The following MINAR2 variants were observed in gnomAD, a reference collection of about 807,000 sequenced individuals.
MINAR2 encodes the protein major intrinsically disordered NOTCH2-binding receptor 1-like.
MINAR2 carries 21 observed loss-of-function variants against 16.1 expected under a neutral mutation model. The observed-to-expected ratio is 1.31, with a 90% CI of 0.93 to 1.88. MINAR2 has a LOEUF of 1.88. Among genes scored for constraint, MINAR2 ranks in the 40% most tolerant of loss-of-function variants. The pLI is 0.00. For synonymous variants in MINAR2, 86 were observed against 83.0 expected, an observed-to-expected ratio of 1.04 and a Z score of -0.20; for missense variants, 259 against 229.8, an observed-to-expected ratio of 1.13 and a Z score of -0.82.
chr5:129,761,612 T>C (rs1166936884), intron 2 of MINAR2, among the ~76,000 whole-genome samples: 4 of 152,168 alleles, frequency 2.6e-5, no homozygotes, highest in Non-Finnish European at 4.4e-5. Context: ...ACATAACAGA[T>C]GCTCTCCACA....
In MINAR2 at chr5:129,765,126, ACC is replaced by A. The variant is rs35674869; in HGVS notation, c.*70_*71del. On this transcript the variant is annotated 3_prime_UTR_variant, in exon 3 of 3. Coordinates refer to ENST00000564719, the MANE Select transcript of MINAR2 (RefSeq NM_001257308.2). ...AAAATTTTTCTGATAAACATTTGAA[ACC>A]CCCCCCACCAAAATAACAAAAAAAC... 1.6e-5 allele frequency: 14 copies of A among 856,238 alleles called. No homozygotes were observed. The highest frequency in any genetic ancestry group is 3.2e-5 in the East Asian group (1 of 30,816). 53.0% of individuals were successfully genotyped at this position (856,238 alleles called of 1,614,324 possible). A position where few individuals can be genotyped will look rare whatever the true frequency, so the allele number is the denominator to read the frequency against.
chr5:129,760,429 A>G lies in MINAR2; in HGVS notation c.217A>G (p.Ser73Gly). ...ACGAATTAGGGGATCCAGTGCAGAC[A>G]GCCTTGTCACTGCTGATAGCCCCCC... is the stretch of plus-strand genomic sequence containing the variant. ...AQRIRGSSAD[S>G]LVTADSPPPS... The change falls in exon 2 of 3, where the codon AGC (serine) becomes GGC (glycine). Residue 73 changes from serine to glycine, a missense_variant. Physicochemically the swap from Ser to Gly is moderately conservative, Grantham distance 56. Coordinates refer to ENST00000564719, the MANE Select transcript of MINAR2 (RefSeq NM_001257308.2). The G allele has an allele frequency of 1.3e-6, 2 of 1,535,814 alleles. No homozygotes were observed. The highest frequency in any genetic ancestry group is 1.7e-6 in the Non-Finnish European group (2 of 1,146,580).
chr5:129,760,668 A>G, intron 2 of MINAR2, 63 bp downstream of exon 2: 1 of 1,265,990 alleles, frequency 7.9e-7, no homozygotes, highest in Non-Finnish European at 1.1e-6. Context: ...TAATCCTAAA[A>G]GAAAGCAATA....
chr5:129,759,273 G>C (rs1283088507), intron 1 of MINAR2, among the ~76,000 whole-genome samples: 1 of 151,954 alleles, frequency 6.6e-6, no homozygotes, highest in African/African-American at 2.4e-5. Context: ...AAAAATATCT[G>C]TGAATTAAGG....
chr5:129,757,278 A>T (rs1581291132), intron 1 of MINAR2, among the ~76,000 whole-genome samples: 1 of 151,914 alleles, frequency 6.6e-6, no homozygotes, highest in East Asian at 1.9e-4. Flanking sequence ...TCAGAAACAG[A>T]CTGGGAAAGG....
intron 2 of MINAR2, among the ~76,000 whole-genome samples, chr5:129,763,896 C>T (rs1040698437): frequency 2.0e-5 from 3 of 152,142 alleles, no homozygotes; most frequent in Admixed American, 6.5e-5. Context: ...AGCTTTAAGT[C>T]TCCTGAGACT....
chr5:129,759,316 T>G (rs9327539), intron 1 of MINAR2, among the ~76,000 whole-genome samples: 27,151 of 151,994 alleles, frequency 0.18, 2,655 homozygotes, highest in East Asian at 0.3. Flanking sequence ...GATTAAAGAT[T>G]ATCTAAAATT....
chr5:129,764,458 A>G (rs1758181601), intron 2 of MINAR2, among the ~76,000 whole-genome samples: 1 of 152,188 alleles, frequency 6.6e-6, no homozygotes, highest in Non-Finnish European at 1.5e-5. Flanking sequence ...TCAAACCTCA[A>G]AGGTTCATCT....
At chr5:129,752,595 A>G (rs1301118960) in intron 1 of MINAR2, among the ~76,000 whole-genome samples, 1 of 152,138 alleles carries the variant, frequency 6.6e-6, no homozygotes, top group Non-Finnish European at 1.5e-5. Context: ...AAGGGGAGGG[A>G]TAGCATTAGG....
intron 2 of MINAR2, among the ~76,000 whole-genome samples, chr5:129,762,065 C>T (rs752100926): frequency 2.0e-5 from 3 of 151,888 alleles, no homozygotes; most frequent in Non-Finnish European, 4.4e-5. Context: ...CTAATGCATG[C>T]GGGACTTAAA....
rs1463659566 is a variant in MINAR2 at position 129,766,723 on chromosome 5, A to AG, written c.*1661dup. 3 of 151,842 alleles carry AG rather than the reference A, an allele frequency of 2.0e-5. No individual in the cohort carries two copies. Among genetic ancestry groups the AG allele is most frequent in the African/African-American group, 7.3e-5 (3 of 41,316 alleles). 9.4% of individuals were successfully genotyped at this position (151,842 alleles called of 1,614,324 possible). ...TTACTGGACAATAAAGTTGTTGTGT[A>AG]GAAAAAAAACGGCGTTAGTCATATT... On this transcript the variant is annotated 3_prime_UTR_variant, in exon 3 of 3. Transcript: ENST00000564719.
chr5:129,754,309 A>G (rs1166663036), intron 1 of MINAR2, among the ~76,000 whole-genome samples: 2 of 152,194 alleles, frequency 1.3e-5, no homozygotes, highest in Non-Finnish European at 2.9e-5. Context: ...AGAATGACAC[A>G]ATCAAATATG....
chr5:129,756,957 A>ACAC (rs1554113674), intron 1 of MINAR2, among the ~76,000 whole-genome samples: 10 of 132,662 alleles, frequency 7.5e-5, no homozygotes, highest in South Asian at 4.7e-4. Flanking sequence ...AAAAAAAAAA[A>ACAC]ACACACACAC....
Position 129,748,176 on chromosome 5 carries a change from T to C in MINAR2, c.-15T>C, listed in dbSNP as rs1335620290. ...CTTTGCCTGTCTTTGTTTTCCACTG[T>C]AGGTGAAGGGAGACATGGATCTCTC... On this transcript the variant is annotated 5_prime_UTR_variant, in exon 1 of 3. An upstream open reading frame in the 5' UTR loses its in-frame stop. Coordinates refer to ENST00000564719, the MANE Select transcript of MINAR2 (RefSeq NM_001257308.2). 7 of 1,534,012 alleles carry C rather than the reference T, an allele frequency of 4.6e-6. No homozygotes were observed. The highest frequency in any genetic ancestry group is 3.9e-5 in the Admixed American group (2 of 50,918).
At position 129,751,351 on chromosome 5, in the gene MINAR2, G is replaced by T. The variant is rs76670925; in HGVS notation, c.165+2996G>T. On this transcript the variant is annotated intron_variant, in intron 1 of 2. Transcript: ENST00000564719. The stretch of plus-strand genomic sequence containing the variant: ...AGCCTCCTGAGTATCTGGGATTACA[G>T]GCACCCGCCACCATGCCCAGCTAAT... Among the ~76,000 whole-genome samples the T allele has an allele frequency of 1.3e-3, 204 of 152,214 alleles. 1 individual carries two copies. In the East Asian group the frequency reaches 0.024, roughly 18 times the overall value.
chr5:129,756,322 CTTTA>C (rs1758053214), intron 1 of MINAR2, among the ~76,000 whole-genome samples: 1 of 151,436 alleles, frequency 6.6e-6, no homozygotes, highest in Non-Finnish European at 1.5e-5. Flanking sequence ...TTCACATCTT[CTTTA>C]TTCTTTTTTT....
chr5:129,750,524 T>C (rs1757973312), intron 1 of MINAR2, among the ~76,000 whole-genome samples: 3 of 152,212 alleles, frequency 2.0e-5, no homozygotes, highest in Admixed American at 6.5e-5. Flanking sequence ...CCTTAATTCA[T>C]GCCTCAGTAT....
chr5:129,757,610 T>C (rs1758071811), intron 1 of MINAR2, among the ~76,000 whole-genome samples: 2 of 152,038 alleles, frequency 1.3e-5, no homozygotes, highest in South Asian at 4.1e-4. Flanking sequence ...TTAAAGATTG[T>C]TTAGTCTTCA....
At chr5:129,759,369 A>C (rs1039128912) in intron 1 of MINAR2, among the ~76,000 whole-genome samples, 1 of 152,164 alleles carries the variant, frequency 6.6e-6, no homozygotes, top group African/African-American at 2.4e-5. Flanking sequence ...TGACAAATGA[A>C]ACATGACTCT....
Sources: allele counts gnomAD v4.1 joint callset (sites outside exome capture counted in the v4.1 genomes callset), GRCh38; gene constraint gnomAD v4.1.1; transcripts MANE v1.5; gene names NCBI Gene and HGNC (gene_info 2026-07-23, HGNC 2026-07-21).